The following BMP2K variants were observed in gnomAD, a reference collection of about 807,000 sequenced individuals.
The protein encoded by BMP2K is BMP-2-inducible protein kinase.
Under a neutral mutation model 116.0 loss-of-function variants are expected in BMP2K, and 74 were observed. That is an observed-to-expected ratio of 0.64 (90% CI 0.53 to 0.77). BMP2K has a LOEUF of 0.77. BMP2K is among the 30% of genes least tolerant of loss of function. The pLI is 0.00. For missense variants in BMP2K, 1,365 were observed against 1,403.6 expected, an observed-to-expected ratio of 0.97 and a Z score of 0.44; for synonymous variants, 486 against 502.5, an observed-to-expected ratio of 0.97 and a Z score of 0.44.
chr4:78,811,258 T>C (rs1729075016), intron 1 of BMP2K, among the ~76,000 whole-genome samples: 1 of 152,236 alleles, frequency 6.6e-6, no homozygotes, highest in Non-Finnish European at 1.5e-5. Flanking sequence ...TTATCTGTAG[T>C]TGTTAACATG....
intron 1 of BMP2K, among the ~76,000 whole-genome samples, chr4:78,813,440 G>C (rs1295073156): frequency 1.3e-5 from 2 of 152,092 alleles, no homozygotes; most frequent in African/African-American, 4.8e-5. Flanking sequence ...ATTTCTCTTG[G>C]AGCAAAAGCC....
At chr4:78,889,153 G>A (rs1044550981) in intron 15 of BMP2K, among the ~76,000 whole-genome samples, 1 of 150,868 alleles carries the variant, frequency 6.6e-6, no homozygotes, top group Admixed American at 6.6e-5. Flanking sequence ...CCCGGGAGGC[G>A]GAGTTTGCAG....
At chr4:78,839,743 G>C (rs1007378710) in intron 3 of BMP2K, among the ~76,000 whole-genome samples, 2 of 152,176 alleles carry the variant, frequency 1.3e-5, no homozygotes, top group South Asian at 4.1e-4. Context: ...GAAGCAGTTG[G>C]AGAGATGTTC....
In BMP2K at chr4:78,871,064, ATT is replaced by A. The variant is rs759844671; in HGVS notation, c.1509+10_1509+11del. ...TCAAGATGCTTATATGCAGCAGGTA[ATT>A]TTTTTGTTTCTTTAGATATGGAAGT... On this transcript the variant is annotated splice_donor_5th_base_variant and intron_variant, in intron 11 of 15. Coordinates refer to ENST00000502613, the MANE Select transcript of BMP2K (RefSeq NM_198892.2). The A allele has an allele frequency of 8.1e-6, 13 of 1,601,378 alleles. No individual in the cohort carries two copies. Among genetic ancestry groups the A allele is most frequent in the Admixed American group, 5.0e-5 (3 of 59,942 alleles).
chr4:78,898,147 G>C (rs190033623), intron 15 of BMP2K, among the ~76,000 whole-genome samples: 17 of 152,318 alleles, frequency 1.1e-4, no homozygotes, highest in African/African-American at 4.1e-4. Context: ...AGTATGTTCA[G>C]AGAATTGCAG....
intron 9 of BMP2K, among the ~76,000 whole-genome samples, chr4:78,865,136 G>A (rs970794892): frequency 1.3e-5 from 2 of 152,024 alleles, no homozygotes; most frequent in Non-Finnish European, 2.9e-5. Flanking sequence ...CTTTTTTTAT[G>A]CCTTGGAGTC....
chr4:78,868,670 T>TA (rs1001501425), intron 10 of BMP2K, among the ~76,000 whole-genome samples: 1 of 152,168 alleles, frequency 6.6e-6, no homozygotes, highest in African/African-American at 2.4e-5. Context: ...ATTGGGTAGA[T>TA]ACAGCCGTTC....
At chr4:78,890,079 A>G (rs1033108264) in intron 15 of BMP2K, among the ~76,000 whole-genome samples, 1 of 151,996 alleles carries the variant, frequency 6.6e-6, no homozygotes, top group Admixed American at 6.6e-5. Context: ...TTTTTTCTGC[A>G]GTTTTTCATA....
At chr4:78,809,201 C>G (rs1202797615) in intron 1 of BMP2K, among the ~76,000 whole-genome samples, 1 of 151,962 alleles carries the variant, frequency 6.6e-6, no homozygotes. Context: ...TCTTTTATTT[C>G]TAATGCATTT....
intron 1 of BMP2K, among the ~76,000 whole-genome samples, chr4:78,783,110 A>G (rs1273113633): frequency 6.6e-6 from 1 of 152,228 alleles, no homozygotes; most frequent in Non-Finnish European, 1.5e-5. Context: ...TATATTTGGT[A>G]TCACATTTAT....
intron 14 of BMP2K, chr4:78,879,384 G>T (rs1732790480): frequency 1.0e-6 from 1 of 985,942 alleles, no homozygotes; most frequent in African/African-American, 1.7e-5. Flanking sequence ...TAAAAGGGCT[G>T]CTTTGTTGTC....
intron 15 of BMP2K, among the ~76,000 whole-genome samples, chr4:78,888,801 C>T (rs908657776): frequency 6.6e-6 from 1 of 152,156 alleles, no homozygotes; most frequent in Non-Finnish European, 1.5e-5. Flanking sequence ...AATTGTCTAT[C>T]TTTGAATCCT....
rs1346511385 is a variant in BMP2K, at chr4:78,912,159, T to C, written c.*126T>C. The C allele has an allele frequency of 7.0e-6, 6 of 859,596 alleles. No individual in the cohort carries two copies. Among genetic ancestry groups the C allele is most frequent in the Admixed American group, 5.1e-5 (2 of 39,156 alleles). The allele number at this position is 859,596 out of a possible 1,614,324, so 53.2% of individuals were successfully genotyped here. ...CTTAAAGATCAGTCAGAATAGGTGA[T>C]TTCTAAATAAACCAAATAGAAGAAT... is the stretch of plus-strand genomic sequence containing the variant. On this transcript the variant is annotated 3_prime_UTR_variant, in exon 16 of 16. Coordinates refer to ENST00000502613, the MANE Select transcript of BMP2K (RefSeq NM_198892.2).
At chr4:78,873,396 A>G (rs1732468389) in intron 13 of BMP2K, among the ~76,000 whole-genome samples, 1 of 152,226 alleles carries the variant, frequency 6.6e-6, no homozygotes, top group Non-Finnish European at 1.5e-5. Flanking sequence ...GTGCTTTAGC[A>G]TCTTGTAACT....
At chr4:78,853,365 T>C (rs1731349232) in intron 7 of BMP2K, among the ~76,000 whole-genome samples, 1 of 152,178 alleles carries the variant, frequency 6.6e-6, no homozygotes, top group Non-Finnish European at 1.5e-5. Context: ...CTGGAGACTT[T>C]TCTTCTTAAA....
At chr4:78,818,572 A>G (rs1044084792) in intron 1 of BMP2K, among the ~76,000 whole-genome samples, 4 of 152,218 alleles carry the variant, frequency 2.6e-5, no homozygotes, top group Non-Finnish European at 5.9e-5. Flanking sequence ...GTTCTTTAAA[A>G]AAGTGTTTTA....
At chr4:78,817,097 G>C (rs1170094288) in intron 1 of BMP2K, among the ~76,000 whole-genome samples, 3 of 152,158 alleles carry the variant, frequency 2.0e-5, no homozygotes, top group Non-Finnish European at 4.4e-5. Context: ...TAGATTTAAA[G>C]CTTCTTAAAT....
At chr4:78,829,228 G>A (rs1730030078) in intron 2 of BMP2K, among the ~76,000 whole-genome samples, 1 of 152,136 alleles carries the variant, frequency 6.6e-6, no homozygotes, top group Non-Finnish European at 1.5e-5. Context: ...TATCAACCAT[G>A]TTTGTGTAAT....
At chr4:78,887,383 C>A in intron 15 of BMP2K, 99 bp downstream of exon 15, 1 of 818,306 alleles carries the variant, frequency 1.2e-6, no homozygotes, top group South Asian at 1.6e-5. Flanking sequence ...TGTTAGTTAG[C>A]TACAGAAAGT....
Sources: allele counts gnomAD v4.1 joint callset (sites outside exome capture counted in the v4.1 genomes callset), GRCh38; gene constraint gnomAD v4.1.1; transcripts MANE v1.5; gene names NCBI Gene and HGNC (gene_info 2026-07-23, HGNC 2026-07-21).